The following NCKAP5 variants were observed in gnomAD, a reference collection of about 807,000 sequenced individuals.
NCKAP5 encodes nck-associated protein 5.
In NCKAP5, 92 loss-of-function variants were observed where a neutral mutation model predicts 167.0. The ratio of observed to expected loss-of-function variants is 0.55; its 90% CI spans 0.47 to 0.66. The LOEUF (loss-of-function observed/expected upper bound fraction) is 0.66. Ranked by LOEUF, NCKAP5 falls within the 30% of genes least tolerant of loss-of-function variation. NCKAP5 has a pLI of 0.00. For missense variants in NCKAP5, 2,378 were observed against 2,315.0 expected, an observed-to-expected ratio of 1.03 and a Z score of -0.56; for synonymous variants, 891 against 877.4, an observed-to-expected ratio of 1.02 and a Z score of -0.27.
At chr2:133,153,366 G>A (rs2083448364) in intron 5 of NCKAP5, among the ~76,000 whole-genome samples, 1 of 152,080 alleles carries the variant, frequency 6.6e-6, no homozygotes, top group South Asian at 2.1e-4. Flanking sequence ...TCATGGTCAT[G>A]GGAAACTGTG....
chr2:133,516,896 G>A (rs959585414), intron 3 of NCKAP5, among the ~76,000 whole-genome samples: 1 of 152,226 alleles, frequency 6.6e-6, no homozygotes, highest in African/African-American at 2.4e-5. Context: ...TTAGTCTAAA[G>A]TGAATTAGTC....
chr2:132,813,626 G>T (rs1463908339), intron 11 of NCKAP5, among the ~76,000 whole-genome samples: 2 of 152,162 alleles, frequency 1.3e-5, no homozygotes, highest in Non-Finnish European at 2.9e-5. Context: ...ACACCAAAGG[G>T]TTCCATATGT....
chr2:132,764,895 A>G (rs36013688), intron 16 of NCKAP5, among the ~76,000 whole-genome samples: 21,793 of 152,250 alleles, frequency 0.14, 1,669 homozygotes, highest in East Asian at 0.18. Context: ...TTTCTTCTAC[A>G]TTAAATTTCT....
At chr2:133,585,872 A>G in the NCKAP5 span, among the ~76,000 whole-genome samples, 1 of 152,206 alleles carries the variant, frequency 6.6e-6, no homozygotes, top group Non-Finnish European at 1.5e-5. Flanking sequence ...CTATTCAGAA[A>G]TATTTCTAGA....
intron 6 of NCKAP5, among the ~76,000 whole-genome samples, chr2:133,007,812 A>G (rs560238631): frequency 3.9e-5 from 6 of 152,300 alleles, no homozygotes; most frequent in South Asian, 2.1e-4. Flanking sequence ...CACTCTCTCA[A>G]TATGAAGTTT....
the NCKAP5 span, among the ~76,000 whole-genome samples, chr2:133,662,611 A>T: frequency 2.8e-5 from 4 of 142,362 alleles, no homozygotes; most frequent in Admixed American, 6.9e-5. Flanking sequence ...TTGGTGCAAA[A>T]GTAATTGCGG....
intron 3 of NCKAP5, among the ~76,000 whole-genome samples, chr2:133,306,255 T>C (rs1680771187): frequency 1.3e-5 from 2 of 152,216 alleles, no homozygotes; most frequent in Admixed American, 6.5e-5. Flanking sequence ...CAGGAGGTTA[T>C]TGTACAGAGA....
At chr2:133,671,131 C>G in the NCKAP5 span, among the ~76,000 whole-genome samples, 1 of 140,876 alleles carries the variant, frequency 7.1e-6, no homozygotes, top group Non-Finnish European at 1.5e-5. Context: ...AGGGGAATGG[C>G]GAGAACCCAG....
At position 133,372,451 on chromosome 2, in the gene NCKAP5, T is replaced by A. The variant is rs971515669; in HGVS notation, c.70-69341A>T. ...ATGATTCCTACTGACTAGAAGGTTC[T>A]TTCTCAACATCTCCTCACTGCAAGT... On this transcript the variant is annotated intron_variant, in intron 3 of 19. Transcript: ENST00000409261. Among the ~76,000 whole-genome samples, 18 of 152,236 alleles carry A rather than the reference T, an allele frequency of 1.2e-4. 1 individual carries two copies. The highest frequency in any genetic ancestry group is 4.1e-4 in the African/African-American group (17 of 41,462).
chr2:132,916,190 T>C (rs184519188), intron 8 of NCKAP5, among the ~76,000 whole-genome samples: 1 of 151,872 alleles, frequency 6.6e-6, no homozygotes, highest in Admixed American at 6.6e-5. Context: ...AGAAATACTA[T>C]GGTGAAGGCA....
At chr2:133,459,530 C>T (rs1205675216) in intron 3 of NCKAP5, among the ~76,000 whole-genome samples, 1 of 152,104 alleles carries the variant, frequency 6.6e-6, no homozygotes, top group Non-Finnish European at 1.5e-5. Context: ...TGAAATCATA[C>T]CTATGTATAA....
In NCKAP5 at chr2:133,161,139, A is replaced by G. The variant is rs562300249; in HGVS notation, c.208-31028T>C. On this transcript the variant is annotated intron_variant, in intron 5 of 19. Coordinates refer to ENST00000409261, the MANE Select transcript of NCKAP5 (RefSeq NM_207363.3). The stretch of plus-strand genomic sequence containing the variant: ...GAGAAATCTAGGTTGCACCCTCCTT[A>G]TGAGAATCTAATTCCTGATGATCTG... 4.6e-5 allele frequency among the ~76,000 whole-genome samples: 7 copies of G among 152,272 alleles called. 1 individual carries two copies. The South Asian group carries it at 8.3e-4, about 18-fold the overall frequency.
chr2:132,801,135 C>A (rs1400997236), intron 11 of NCKAP5, among the ~76,000 whole-genome samples: 1 of 152,158 alleles, frequency 6.6e-6, no homozygotes, highest in Non-Finnish European at 1.5e-5. Flanking sequence ...TTCATGCAGA[C>A]AACTCAGCAC....
intron 6 of NCKAP5, among the ~76,000 whole-genome samples, chr2:133,043,993 G>T (rs1280847737): frequency 1.3e-5 from 2 of 151,956 alleles, no homozygotes; most frequent in Non-Finnish European, 2.9e-5. Flanking sequence ...TAAGGATTCA[G>T]ATGCTACAGA....
chr2:133,387,738 A>C (rs1687093725), intron 3 of NCKAP5, among the ~76,000 whole-genome samples: 1 of 151,814 alleles, frequency 6.6e-6, no homozygotes, highest in African/African-American at 2.4e-5. Context: ...GGCTTTGTTC[A>C]TTTCTTTTTA....
intron 7 of NCKAP5, among the ~76,000 whole-genome samples, chr2:132,966,474 A>C (rs537195769): frequency 6.6e-6 from 1 of 152,286 alleles, no homozygotes; most frequent in South Asian, 2.1e-4. Context: ...TAATGTCAAC[A>C]TATATACACT....
At chr2:133,340,372 G>A (rs1258417629) in intron 3 of NCKAP5, among the ~76,000 whole-genome samples, 4 of 152,082 alleles carry the variant, frequency 2.6e-5, no homozygotes, top group Admixed American at 6.6e-5. Context: ...CCTTTCCTCT[G>A]GCCAGACTAA....
chr2:132,819,257 A>T (rs1686523818), intron 11 of NCKAP5, among the ~76,000 whole-genome samples: 1 of 152,128 alleles, frequency 6.6e-6, no homozygotes, highest in Non-Finnish European at 1.5e-5. Flanking sequence ...CCTGCCATTT[A>T]CCTCTAGAAC....
chr2:132,980,019 G>A (rs1197552600), intron 7 of NCKAP5, among the ~76,000 whole-genome samples: 1 of 147,608 alleles, frequency 6.8e-6, no homozygotes, highest in African/African-American at 2.5e-5. Flanking sequence ...TTTGAGACAG[G>A]GTCTCTGTCG....
Sources: gnomAD v4.1 joint callset for allele counts (sites outside exome capture counted in the v4.1 genomes callset) on GRCh38, gnomAD v4.1.1 for gene constraint, MANE v1.5 for transcripts, NCBI Gene and HGNC (gene_info 2026-07-23, HGNC 2026-07-21) for gene names.